The following PRCD variants were observed in gnomAD, a reference collection of about 807,000 sequenced individuals.
PRCD encodes photoreceptor disk component PRCD.
PRCD carries 12 observed loss-of-function variants against 10.1 expected under a neutral mutation model. That is an observed-to-expected ratio of 1.18 (90% CI 0.76 to 1.92). The LOEUF is 1.92. PRCD is among the 40% of genes most tolerant of loss of function. The pLI is 0.00. For synonymous variants in PRCD, 31 were observed against 26.2 expected, an observed-to-expected ratio of 1.18 and a Z score of -0.56; for missense variants, 61 against 72.2, an observed-to-expected ratio of 0.84 and a Z score of 0.56.
At position 76,530,960 on chromosome 17, in the gene PRCD, C is replaced by T. The variant is rs1176420203; in HGVS notation, n.45+3127C>T. ...CATGGCGGGGAGGCTGCCCAGCCCA[C>T]CCTCGCCCGCCTCCTCACGTGGTGG... is the stretch of plus-strand genomic sequence containing the variant. On this transcript the variant is annotated intron_variant and non_coding_transcript_variant, in intron 1 of 4. Coordinates refer to the PRCD transcript ENST00000397633. This position sits in a 1 kb window ranked among gnomAD's most constrained non-coding sequence, Gnocchi z 6.1. 6.4e-7 allele frequency: 1 copy of T among 1,558,230 alleles called. No individual in the cohort carries two copies. Among genetic ancestry groups the T allele is most frequent in the Admixed American group, 1.9e-5 (1 of 53,686 alleles).
In PRCD at chr17:76,543,094, A is replaced by G. The variant is rs758359829; in HGVS notation, c.*125A>G. On this transcript the variant is annotated 3_prime_UTR_variant, in exon 4 of 5. Coordinates refer to ENST00000592014, the MANE Select transcript of PRCD (RefSeq NM_001077620.3). ...GGGAGCTGCAGCAGCGGCAAGAGGG[A>G]GAATGGGGGGAAGCAGCACTAGAGA... is the stretch of plus-strand genomic sequence containing the variant. 13 of 471,254 alleles carry G rather than the reference A, an allele frequency of 2.8e-5. No individual in the cohort carries two copies. Among genetic ancestry groups the G allele is most frequent in the South Asian group, 2.0e-4 (13 of 64,556 alleles). 29.2% of individuals were successfully genotyped at this position (471,254 alleles called of 1,614,324 possible). A position where few individuals can be genotyped will look rare whatever the true frequency, so the allele number is the denominator to read the frequency against.
downstream of PRCD, chr17:76,545,620 C>G (rs1435403651): frequency 6.0e-6 from 2 of 333,528 alleles, no homozygotes; most frequent in African/African-American, 4.3e-5. Context: ...CCAGCACATC[C>G]TACCTCTGTG....
chr17:76,543,307 C>T (rs1387525872), intron 4 of PRCD, 186 bp downstream of exon 4: 3 of 349,486 alleles, frequency 8.6e-6, no homozygotes, highest in South Asian at 6.6e-5. Context: ...CTGAGAAAGC[C>T]TAGGATGAGG....
rs2074828121 is a variant in PRCD at position 76,530,853 on chromosome 17, T to C, written n.45+3020T>C. ...TGTTCTTACATGTCAGACCCCAGGG[T>C]TGGCCTGCCTCAAGTGTGCCTGCCC... On this transcript the variant is annotated intron_variant and non_coding_transcript_variant, in intron 1 of 4. Transcript: ENST00000397633. The surrounding 1 kb of genome is among the most constrained non-coding windows in gnomAD (Gnocchi z 6.1). 2 of 1,066,856 alleles carry C rather than the reference T, an allele frequency of 1.9e-6. No homozygotes were observed. Among genetic ancestry groups the C allele is most frequent in the Non-Finnish European group, 2.6e-6 (2 of 757,112 alleles). 66.1% of individuals were successfully genotyped at this position (1,066,856 alleles called of 1,614,324 possible).
Position 76,530,316 on chromosome 17 carries a change from C to G in PRCD, n.45+2483C>G, listed in dbSNP as rs1484525896. On this transcript the variant is annotated intron_variant and non_coding_transcript_variant, in intron 1 of 4. Transcript: ENST00000397633. This position sits in a 1 kb window ranked among gnomAD's most constrained non-coding sequence, Gnocchi z 6.1. Reference sequence around the variant, plus strand: ...CACATCTGGGGGCTAGCCCTCCCCTCACGCTCCGAGTCAGCAGGAGTCACA... The same window carrying G: ...CACATCTGGGGGCTAGCCCTCCCCTGACGCTCCGAGTCAGCAGGAGTCACA... Among the ~76,000 whole-genome samples, 5 of 152,088 alleles carry G rather than the reference C, an allele frequency of 3.3e-5. No homozygotes were observed. Among genetic ancestry groups the G allele is most frequent in the Admixed American group, 3.3e-4 (5 of 15,276 alleles).
chr17:76,543,517 A>G (rs972739833), intron 4 of PRCD: 1 of 347,556 alleles, frequency 2.9e-6, no homozygotes, highest in African/African-American at 2.1e-5. Context: ...CAATTTCTAA[A>G]TGGGGAAACA....
chr17:76,534,541 A>G (rs1250379466), intron 1 of PRCD, among the ~76,000 whole-genome samples: 2 of 152,230 alleles, frequency 1.3e-5, no homozygotes, highest in Admixed American at 6.5e-5. Context: ...ATGAGGAAAC[A>G]ACAGGGAACA....
upstream of PRCD, among the ~76,000 whole-genome samples, chr17:76,536,415 C>T (rs2074914442): frequency 6.6e-6 from 1 of 152,152 alleles, no homozygotes; most frequent in Non-Finnish European, 1.5e-5. Context: ...CTGCTCTGTC[C>T]TAGATTTGAC....
rs2075043805 is a variant in PRCD at position 76,545,312 on chromosome 17, G to A, written c.*1662G>A. On this transcript the variant is annotated 3_prime_UTR_variant, in exon 5 of 5. Coordinates refer to ENST00000592014, the MANE Select transcript of PRCD (RefSeq NM_001077620.3). ...CCACTGGCTCCCATCACAGGGCTTA[G>A]TGTGAAGCTCAGGGCAAGGGTGGAC... 2 of 456,768 alleles carry A rather than the reference G, an allele frequency of 4.4e-6. No individual in the cohort carries two copies. The highest frequency in any genetic ancestry group is 6.5e-4 in the Middle Eastern group (2 of 3,072). The allele number at this position is 456,768 out of a possible 1,614,324, so 28.3% of individuals were successfully genotyped here.
intron 1 of PRCD, among the ~76,000 whole-genome samples, chr17:76,532,805 G>A (rs1010972020): frequency 6.6e-6 from 1 of 152,142 alleles, no homozygotes; most frequent in African/African-American, 2.4e-5. Flanking sequence ...CCAAAGTGCT[G>A]GGATTACAGG....
intron 1 of PRCD, among the ~76,000 whole-genome samples, chr17:76,532,530 C>CTTTTT (rs111936272): frequency 5.6e-5 from 7 of 125,724 alleles, no homozygotes; most frequent in East Asian, 2.4e-4. Context: ...ATGACAATGG[C>CTTTTT]TTTTTTTTTT....
rs2075007164 is a variant in PRCD at position 76,542,774 on chromosome 17, G to A, written c.*59+141G>A. 8.9e-6 allele frequency: 6 copies of A among 676,490 alleles called. No homozygotes were observed. In the East Asian group the frequency reaches 1.6e-4, roughly 18 times the overall value. The allele number at this position is 676,490 out of a possible 1,614,324, so 41.9% of individuals were successfully genotyped here. ...TGATGGAGGTTCAAAGTAGGCGGATGGACTCATGCCTTTGGCTGCTACCTT... is the reference window on the plus strand; with the variant it reads ...TGATGGAGGTTCAAAGTAGGCGGATAGACTCATGCCTTTGGCTGCTACCTT... On this transcript the variant is annotated intron_variant, in intron 3 of 4. Coordinates refer to ENST00000592014, the MANE Select transcript of PRCD (RefSeq NM_001077620.3).
intron 1 of PRCD, chr17:76,529,178 G>A (rs992008899): frequency 1.0e-6 from 1 of 984,914 alleles, no homozygotes; most frequent in Non-Finnish European, 1.2e-6. Flanking sequence ...ACTCTACTCT[G>A]TAACTCCATC....
downstream of PRCD, among the ~76,000 whole-genome samples, chr17:76,547,689 TCACA>T (rs755549580): frequency 9.3e-5 from 12 of 129,018 alleles, no homozygotes; most frequent in South Asian, 2.7e-4. Context: ...ACACCCACAT[TCACA>T]CACACAGACA....
At chr17:76,541,760 G>A (rs994616464) in intron 2 of PRCD, among the ~76,000 whole-genome samples, 6 of 152,172 alleles carry the variant, frequency 3.9e-5, no homozygotes, top group Non-Finnish European at 8.8e-5. Flanking sequence ...GGTGGTCCAC[G>A]CTATTGAGCC....
upstream of PRCD, chr17:76,537,968 G>A (rs2074940031): frequency 6.6e-6 from 1 of 151,380 alleles, no homozygotes; most frequent in African/African-American, 2.4e-5. Context: ...GGGGCGCTGG[G>A]GGTCCCGGGA....
At chr17:76,536,448 G>A (rs931103092), upstream of PRCD, among the ~76,000 whole-genome samples, 5 of 152,142 alleles carry the variant, frequency 3.3e-5, no homozygotes, top group Non-Finnish European at 5.9e-5. Flanking sequence ...CCAAGAAGAG[G>A]GGCTTGAGGG....
chr17:76,532,174 T>A (rs2074852466), intron 1 of PRCD: 1 of 159,492 alleles, frequency 6.3e-6, no homozygotes, highest in Non-Finnish European at 1.4e-5. Context: ...AAAGTGAAAC[T>A]CCTTAACCGG....
rs2074867211 is a variant in PRCD at position 76,533,060 on chromosome 17, A to G, written n.45+5227A>G. On this transcript the variant is annotated intron_variant and non_coding_transcript_variant, in intron 1 of 4. Coordinates refer to the PRCD transcript ENST00000397633. The surrounding 1 kb of genome is among the most constrained non-coding windows in gnomAD (Gnocchi z 4.5). ...GCCCTTTGGCCAGGAGTCGAGTCTC[A>G]GATGTGAGGGCTGGAACAGATGCGG... Among the ~76,000 whole-genome samples, 1 of 152,180 alleles carries G rather than the reference A, an allele frequency of 6.6e-6. No homozygotes were observed. The highest frequency in any genetic ancestry group is 1.5e-5 in the Non-Finnish European group (1 of 68,026).
Sources: gnomAD v4.1 joint callset for allele counts (sites outside exome capture counted in the v4.1 genomes callset) on GRCh38, gnomAD v4.1.1 for gene constraint, Gnocchi (gnomAD v3.1) non-coding constraint, MANE v1.5 for transcripts, NCBI Gene and HGNC (gene_info 2026-07-23, HGNC 2026-07-21) for gene names.